The following TAP2 variants were observed in gnomAD, a reference collection of about 807,000 sequenced individuals.
TAP2 encodes antigen peptide transporter 2.
A neutral mutation model predicts 74.7 loss-of-function variants in TAP2; 49 were observed. The observed-to-expected ratio is 0.66, with a 90% CI of 0.52 to 0.83. The LOEUF is 0.83. TAP2 is among the 40% of genes least tolerant of loss of function. The pLI, the probability that TAP2 is intolerant of heterozygous loss-of-function variation, is 0.00. For missense variants in TAP2, 739 were observed against 859.0 expected (o/e 0.86, Z 1.75); for synonymous variants, 306 against 368.4 (o/e 0.83, Z 1.94).
intron 3 of TAP2, among the ~76,000 whole-genome samples, chr6:32,836,166 G>A (rs942432604): frequency 6.6e-6 from 1 of 152,098 alleles, no homozygotes; most frequent in Non-Finnish European, 1.5e-5. Flanking sequence ...CCTCCGCCTT[G>A]GTCTCCTTCC....
At position 32,826,527 on chromosome 6, in the gene TAP2, T is replaced by TA. The variant is rs1439424701; in HGVS notation, c.*2378dup. 2.0e-6 allele frequency: 2 copies of TA among 985,296 alleles called. No homozygotes were observed. The highest frequency in any genetic ancestry group is 3.5e-5 in the African/African-American group (2 of 57,238). 61.0% of individuals were successfully genotyped at this position (985,296 alleles called of 1,614,324 possible). On this transcript the variant is annotated 3_prime_UTR_variant, in exon 12 of 12. Transcript: ENST00000374897. ...CTGTGGTTCCCAGACAAACCACACT[T>TA]ACAGGAATTTGTCTGTCTAGCCCGA...
At chr6:32,830,582 G>GAGCA in intron 8 of TAP2, 36 bp downstream of exon 8, 1 of 1,612,500 alleles carries the variant, frequency 6.2e-7, no homozygotes, top group South Asian at 1.1e-5. Context: ...TAGCAGCAGA[G>GAGCA]AGCAAGGGTC....
In TAP2 at chr6:32,832,964, C is replaced by T; in HGVS notation, c.946-140G>A. 1 of 990,102 alleles carries T rather than the reference C, an allele frequency of 1.0e-6. No homozygotes were observed. The highest frequency in any genetic ancestry group is 1.5e-6 in the Non-Finnish European group (1 of 652,470). 61.3% of individuals were successfully genotyped at this position (990,102 alleles called of 1,614,324 possible). Reference sequence around the variant, plus strand: ...TCTCCCTCTTCCTTACTCTTCTTTCCAGAAGGAATAAGAGTGAAGGAGCAA... The same window carrying T: ...TCTCCCTCTTCCTTACTCTTCTTTCTAGAAGGAATAAGAGTGAAGGAGCAA... On this transcript the variant is annotated intron_variant, in intron 5 of 11. Coordinates refer to ENST00000374897, the MANE Select transcript of TAP2 (RefSeq NM_001290043.2). This position sits in a 1 kb window ranked among gnomAD's most constrained non-coding sequence, Gnocchi z 5.9.
Position 32,838,204 on chromosome 6 carries a change from G to C in TAP2, c.30C>G (p.Thr10=). The C allele has an allele frequency of 6.3e-7, 1 of 1,587,022 alleles. No individual in the cohort carries two copies. The highest frequency in any genetic ancestry group is 8.6e-7 in the Non-Finnish European group (1 of 1,167,746). ...AAGCCGCGTCCACCAGCAGCAGGGA[G>C]GTCCAGGGTCTCAGGTCAGGGAGCC... MRLPDLRPW[T]SLLLVDAALL... is the part of the protein sequence containing the mutation. The change falls in exon 2 of 12, where the codon ACC becomes ACG. Residue 10 remains threonine (T), a synonymous_variant. Coordinates refer to ENST00000374897, the MANE Select transcript of TAP2 (RefSeq NM_001290043.2).
chr6:32,838,329 A>C, intron 1 of TAP2, 92 bp from the exon 2 acceptor site: 1 of 1,451,670 alleles, frequency 6.9e-7, no homozygotes, highest in African/African-American at 1.4e-5. Context: ...TAACCCGTCC[A>C]TCGGCTTCTC....
chr6:32,835,298 A>T lies in TAP2; in HGVS notation c.801T>A (p.Asn267Lys). Residue 267 changes from asparagine to lysine, a missense_variant, in exon 5 of 12, where the codon AAT becomes AAA. Physicochemically the swap from Asn to Lys is moderately conservative, Grantham distance 94. Coordinates refer to ENST00000374897, the MANE Select transcript of TAP2 (RefSeq NM_001290043.2). The surrounding 1 kb of genome is among the most constrained non-coding windows in gnomAD (Gnocchi z 4.0). ...TTLMSNWLPLNANVLLRSLVK... is the reference protein window; with the variant it reads ...TTLMSNWLPLKANVLLRSLVK... ...CCAGGCTTCGCAAGAGCACATTGGC[A>T]TTTAAAGGAAGCCAGTTACTCATCA... The T allele has an allele frequency of 6.2e-7, 1 of 1,613,106 alleles. No homozygotes were observed. Among genetic ancestry groups the T allele is most frequent in the Non-Finnish European group, 8.5e-7 (1 of 1,180,028 alleles).
chr6:32,828,485 G>T lies in TAP2; in HGVS notation c.*421C>A. The T allele has an allele frequency of 1.0e-6, 1 of 974,932 alleles. No homozygotes were observed. Among genetic ancestry groups the T allele is most frequent in the Non-Finnish European group, 1.2e-6 (1 of 820,210 alleles). The allele number at this position is 974,932 out of a possible 1,614,324, so 60.4% of individuals were successfully genotyped here. Reference sequence around the variant, plus strand: ...AAATAGCAACTATGGTTATCTCCAGGAAGTGAAACAATGGGTACTTTTACT... The same window carrying T: ...AAATAGCAACTATGGTTATCTCCAGTAAGTGAAACAATGGGTACTTTTACT... On this transcript the variant is annotated 3_prime_UTR_variant, in exon 12 of 12. Transcript: ENST00000374897.
Position 32,827,147 on chromosome 6 carries a change from G to A in TAP2, c.*1759C>T, listed in dbSNP as rs1437426508. The A allele has an allele frequency of 1.0e-6, 1 of 985,490 alleles. No homozygotes were observed. Among genetic ancestry groups the A allele is most frequent in the African/African-American group, 1.7e-5 (1 of 57,218 alleles). 61.0% of individuals were successfully genotyped at this position (985,490 alleles called of 1,614,324 possible). On this transcript the variant is annotated 3_prime_UTR_variant, in exon 12 of 12. Coordinates refer to ENST00000374897, the MANE Select transcript of TAP2 (RefSeq NM_001290043.2). Reference sequence around the variant, plus strand: ...AAAAATCCAAAACAGCAGTTCTGGGGAATTCATTGCCAGCACTGGAAACTA... The same window carrying A: ...AAAAATCCAAAACAGCAGTTCTGGGAAATTCATTGCCAGCACTGGAAACTA...
Position 32,827,292 on chromosome 6 carries a change from G to A in TAP2, c.*1614C>T. The stretch of plus-strand genomic sequence containing the variant: ...GCATTTTCAGTGGTGGGAGTGGGCA[G>A]GGAGGATTAAGATTAGTACGATGGT... On this transcript the variant is annotated 3_prime_UTR_variant, in exon 12 of 12. Transcript: ENST00000374897. 1.0e-6 allele frequency: 1 copy of A among 985,418 alleles called. No individual in the cohort carries two copies. Among genetic ancestry groups the A allele is most frequent in the Non-Finnish European group, 1.2e-6 (1 of 829,924 alleles). 61.0% of individuals were successfully genotyped at this position (985,418 alleles called of 1,614,324 possible).
chr6:32,822,320 T>C (rs769236280), downstream of TAP2: 2 of 1,520,928 alleles, frequency 1.3e-6, no homozygotes, highest in Non-Finnish European at 1.8e-6. Context: ...AAGGGTTTTC[T>C]AGAAAAAAAA....
Position 32,828,917 on chromosome 6 carries a change from C to A in TAP2, c.2050G>T (p.Ala684Ser), listed in dbSNP as rs1276501216. 5 of 1,545,220 alleles carry A rather than the reference C, an allele frequency of 3.2e-6. No individual in the cohort carries two copies. Among genetic ancestry groups the A allele is most frequent in the Admixed American group, 2.0e-5 (1 of 51,030 alleles). ...VLQEGKLQKL[A>S]QL ...AGGTCCTGTCCCTCCTAGAGCTGGGCAAGCTTCTGCAGCTTGCCCTCCTGG... is the reference window on the plus strand; with the variant it reads ...AGGTCCTGTCCCTCCTAGAGCTGGGAAAGCTTCTGCAGCTTGCCCTCCTGG... Residue 684 changes from alanine to serine, a missense_variant, in exon 12 of 12, where the codon GCC becomes TCC. Ala to Ser is a moderately conservative substitution (Grantham distance 99). Coordinates refer to ENST00000374897, the MANE Select transcript of TAP2 (RefSeq NM_001290043.2).
rs2127346415 is a variant in TAP2 at position 32,825,882 on chromosome 6, TA to T, written c.*3023del. The stretch of plus-strand genomic sequence containing the variant: ...TTTCTCACTCTTAGAATTGAGATAG[TA>T]ATACCTGCCACATAGAATTATCTTG... On this transcript the variant is annotated 3_prime_UTR_variant, in exon 12 of 12. Coordinates refer to ENST00000374897, the MANE Select transcript of TAP2 (RefSeq NM_001290043.2). The T allele has an allele frequency of 1.5e-6, 1 of 656,260 alleles. No homozygotes were observed. Among genetic ancestry groups the T allele is most frequent in the East Asian group, 1.4e-4 (1 of 7,270 alleles). The allele number at this position is 656,260 out of a possible 1,614,324, so 40.7% of individuals were successfully genotyped here. A position where few individuals can be genotyped will look rare whatever the true frequency, so the allele number is the denominator to read the frequency against.
At chr6:32,838,411 A>G (rs1769586833) in intron 1 of TAP2, 174 bp from the exon 2 acceptor site, 1 of 465,406 alleles carries the variant, frequency 2.1e-6, no homozygotes, top group African/African-American at 2.2e-5. Flanking sequence ...CCTACGACAG[A>G]CAGCTTTCGG....
At position 32,828,009 on chromosome 6, in the gene TAP2, G is replaced by A; in HGVS notation, c.*897C>T. On this transcript the variant is annotated 3_prime_UTR_variant, in exon 12 of 12. Coordinates refer to ENST00000374897, the MANE Select transcript of TAP2 (RefSeq NM_001290043.2). ...CTTTTCTTGATGGGATTATGGATTA[G>A]GGTTTATGGACCCAAGATGCAATAT... 2.0e-6 allele frequency: 2 copies of A among 985,144 alleles called. No individual in the cohort carries two copies. Among genetic ancestry groups the A allele is most frequent in the Non-Finnish European group, 2.4e-6 (2 of 829,732 alleles). 61.0% of individuals were successfully genotyped at this position (985,144 alleles called of 1,614,324 possible). A position where few individuals can be genotyped will look rare whatever the true frequency, so the allele number is the denominator to read the frequency against.
intron 7 of TAP2, among the ~76,000 whole-genome samples, chr6:32,831,321 C>T (rs936217726): frequency 6.6e-5 from 10 of 152,146 alleles, no homozygotes; most frequent in South Asian, 2.1e-4. Context: ...ACTGTACCAC[C>T]GGGTAATGAA....
chr6:32,832,333 CT>C lies in TAP2; in HGVS notation c.1271del (p.Gln424ArgfsTer45), dbSNP rs759637593. The C allele has an allele frequency of 6.2e-7, 1 of 1,613,038 alleles. No individual in the cohort carries two copies. Among genetic ancestry groups the C allele is most frequent in the South Asian group, 1.1e-5 (1 of 91,076 alleles). ...AGAGCAGGCTTGGCTTCTCGCTCAC[CT>C]GCACATAGCTCCCCACGCTCTCCTG... ...IYQESVGSYV[Q>X]TLVYIYGDML... On this transcript the variant is annotated frameshift_variant and splice_region_variant, in exon 7 of 12. Transcript: ENST00000374897. LOFTEE classifies it high-confidence loss of function. The surrounding 1 kb of genome is among the most constrained non-coding windows in gnomAD (Gnocchi z 5.9).
At position 32,835,632 on chromosome 6, in the gene TAP2, C is replaced by T; in HGVS notation, c.739+11G>A. ...TCCATGGGAATCTCAGACCTGGACTCCAGGCCCCACCTGTCTTAGTCTCCT... is the reference window on the plus strand; with the variant it reads ...TCCATGGGAATCTCAGACCTGGACTTCAGGCCCCACCTGTCTTAGTCTCCT... On this transcript the variant is annotated intron_variant, in intron 4 of 11. Transcript: ENST00000374897. The surrounding 1 kb of genome is among the most constrained non-coding windows in gnomAD (Gnocchi z 4.0). 6.2e-7 allele frequency: 1 copy of T among 1,613,012 alleles called. No individual in the cohort carries two copies. Among genetic ancestry groups the T allele is most frequent in the African/African-American group, 1.3e-5 (1 of 75,024 alleles).
At chr6:32,836,049 T>A (rs566730402) in intron 3 of TAP2, among the ~76,000 whole-genome samples, 28 of 152,300 alleles carry the variant, frequency 1.8e-4, no homozygotes, top group Non-Finnish European at 3.8e-4. Context: ...CACTCTGTAC[T>A]AGACACAATA....
chr6:32,829,015 C>T lies in TAP2; in HGVS notation c.1952G>A (p.Arg651His), dbSNP rs183316663. ...CEQALQDWNS[R>H]GDRTVLVIAH... ...AATCACCAGCACTGTGCGATCCCCA[C>T]GGGAATTCCAGTCCTGCAGCTGAAG... Residue 651 changes from arginine (R) to histidine (H), a missense_variant, in exon 12 of 12, where the codon CGT becomes CAT. Transcript: ENST00000374897. 1.9e-5 allele frequency: 30 copies of T among 1,550,234 alleles called. No individual in the cohort carries two copies. The highest frequency in any genetic ancestry group is 6.8e-5 in the African/African-American group (5 of 73,160).
Sources: allele counts gnomAD v4.1 joint callset (sites outside exome capture counted in the v4.1 genomes callset), GRCh38; gene constraint gnomAD v4.1.1; non-coding constraint Gnocchi (gnomAD v3.1); transcripts MANE v1.5; gene names NCBI Gene and HGNC (gene_info 2026-07-23, HGNC 2026-07-21).